Variants in PRKAG2 observed in about 807,000 individuals in gnomAD.
PRKAG2 encodes the protein 5'-AMP-activated protein kinase subunit gamma-2.
In PRKAG2, 26 loss-of-function variants were observed where a neutral mutation model predicts 69.6. That is an observed-to-expected ratio of 0.37 (90% CI 0.27 to 0.52). The LOEUF is 0.52. Among genes scored for constraint, PRKAG2 ranks in the 20% least tolerant of loss-of-function variants. The pLI is 0.90. For missense variants in PRKAG2, 557 were observed against 740.0 expected (o/e 0.75, Z 2.87); for synonymous variants, 293 against 285.0 (o/e 1.03, Z -0.28).
chr7:151,768,413 T>C (rs1268558238), intron 3 of PRKAG2, among the ~76,000 whole-genome samples: 1 of 152,220 alleles, frequency 6.6e-6, no homozygotes, highest in South Asian at 2.1e-4. Flanking sequence ...AGAAGCTTCA[T>C]CAATAAAGTT....
chr7:151,578,578 C>T (rs758521161), intron 6 of PRKAG2, among the ~76,000 whole-genome samples: 2 of 152,194 alleles, frequency 1.3e-5, no homozygotes, highest in Non-Finnish European at 1.5e-5. Context: ...TCAATTATTT[C>T]ACGCATTTAT....
At chr7:151,718,465 C>T (rs1308206493) in intron 3 of PRKAG2, among the ~76,000 whole-genome samples, 2 of 152,076 alleles carry the variant, frequency 1.3e-5, no homozygotes, top group Non-Finnish European at 2.9e-5. Context: ...CGGCACGAGT[C>T]CTCCAGCTGC....
chr7:151,796,776 G>A (rs1285975253), intron 1 of PRKAG2, among the ~76,000 whole-genome samples: 4 of 152,126 alleles, frequency 2.6e-5, no homozygotes, highest in Admixed American at 1.3e-4. Context: ...GACTGAGGAC[G>A]GCCCGGGGGC....
intron 3 of PRKAG2, among the ~76,000 whole-genome samples, chr7:151,745,918 G>A (rs949089068): frequency 1.3e-5 from 2 of 152,168 alleles, no homozygotes; most frequent in African/African-American, 4.8e-5. Flanking sequence ...CAAGAGCTCT[G>A]AGGGCTCCAG....
chr7:151,754,753 A>C (rs57892148), intron 3 of PRKAG2, among the ~76,000 whole-genome samples: 74,078 of 137,476 alleles, frequency 0.54, 19,613 homozygotes, highest in East Asian at 0.82. Context: ...CCAGGCCCTA[A>C]CTTCGAGTAC....
At position 151,836,858 on chromosome 7, in the gene PRKAG2, G is replaced by A. The variant is rs2079158145; in HGVS notation, c.114+39649C>T. On this transcript the variant is annotated intron_variant, in intron 1 of 15. Transcript: ENST00000287878. This position sits in a 1 kb window ranked among gnomAD's most constrained non-coding sequence, Gnocchi z 4.1. ...AAGCCACTGAGAATATTCAGTTCTT[G>A]GATCATCCACAACAGCGGAAGCAGA... Among the ~76,000 whole-genome samples the A allele has an allele frequency of 6.6e-6, 1 of 152,296 alleles. No homozygotes were observed. The highest frequency in any genetic ancestry group is 6.5e-5 in the Admixed American group (1 of 15,302).
At chr7:151,852,575 G>A (rs909385810) in intron 1 of PRKAG2, among the ~76,000 whole-genome samples, 2 of 152,022 alleles carry the variant, frequency 1.3e-5, no homozygotes, top group Non-Finnish European at 2.9e-5. Context: ...CCACAGACCT[G>A]TAGGGGGGCA....
At chr7:151,703,438 C>T (rs1045225337) in intron 3 of PRKAG2, among the ~76,000 whole-genome samples, 1 of 152,218 alleles carries the variant, frequency 6.6e-6, no homozygotes, top group Non-Finnish European at 1.5e-5. Flanking sequence ...CCGTCAAGCC[C>T]TCAGTTGTCT....
At chr7:151,855,207 C>G (rs1398943651) in intron 1 of PRKAG2, among the ~76,000 whole-genome samples, 2 of 107,640 alleles carry the variant, frequency 1.9e-5, no homozygotes, top group African/African-American at 3.5e-5. Context: ...CACACACCAC[C>G]CTCCACACAC....
intron 5 of PRKAG2, among the ~76,000 whole-genome samples, chr7:151,613,033 T>G (rs1819242561): frequency 6.6e-6 from 1 of 152,220 alleles, no homozygotes; most frequent in Non-Finnish European, 1.5e-5. Context: ...CCAGCCGATG[T>G]GTCCCACACT....
At chr7:151,562,557 G>A (rs949939443) in intron 14 of PRKAG2, among the ~76,000 whole-genome samples, 1 of 152,070 alleles carries the variant, frequency 6.6e-6, no homozygotes, top group Non-Finnish European at 1.5e-5. Context: ...AAGCTTTCAG[G>A]TTCATCAGTA....
At chr7:151,824,791 C>T (rs1425447421) in intron 1 of PRKAG2, among the ~76,000 whole-genome samples, 5 of 152,192 alleles carry the variant, frequency 3.3e-5, no homozygotes, top group African/African-American at 7.2e-5. Context: ...CTGCTGAGGA[C>T]GTGGGGCCAC....
Position 151,669,703 on chromosome 7 carries a change from G to A in PRKAG2, c.684+5717C>T, listed in dbSNP as rs73728235. Among the ~76,000 whole-genome samples the A allele has an allele frequency of 5.1e-3, 720 of 140,536 alleles. 3 individuals carry two copies. Among genetic ancestry groups the A allele is most frequent in the African/African-American group, 0.018 (688 of 38,494 alleles). The allele number at this position is 140,536 out of a possible 152,430, so 92.2% of individuals were successfully genotyped here. On this transcript the variant is annotated intron_variant, in intron 4 of 15. Transcript: ENST00000287878. ...GCACCTCGACTTAAATGTGCCACAGGCGCCTTATTGGACTACCACCACCTA... is the reference window on the plus strand; with the variant it reads ...GCACCTCGACTTAAATGTGCCACAGACGCCTTATTGGACTACCACCACCTA...
At chr7:151,827,766 A>AC (rs2078939905) in intron 1 of PRKAG2, among the ~76,000 whole-genome samples, 1 of 150,254 alleles carries the variant, frequency 6.7e-6, no homozygotes, top group African/African-American at 2.4e-5. Flanking sequence ...AAAAAAAAAA[A>AC]AAAAAAAACT....
At chr7:151,645,918 C>T (rs1274496149) in intron 4 of PRKAG2, among the ~76,000 whole-genome samples, 1 of 152,104 alleles carries the variant, frequency 6.6e-6, no homozygotes, top group Non-Finnish European at 1.5e-5. Flanking sequence ...TTCATATTTT[C>T]CATACTGAAA....
intron 15 of PRKAG2, chr7:151,558,779 T>A (rs933091958): frequency 1.5e-5 from 15 of 985,300 alleles, no homozygotes; most frequent in Non-Finnish European, 1.8e-5. Flanking sequence ...TAGATTCCTC[T>A]CTGCACCAGC....
At chr7:151,783,919 A>T (rs927783955) in intron 2 of PRKAG2, among the ~76,000 whole-genome samples, 6 of 147,460 alleles carry the variant, frequency 4.1e-5, no homozygotes, top group Admixed American at 6.7e-5. Flanking sequence ...TCTCAAAAAA[A>T]AAAAAAAAAA....
At chr7:151,591,117 G>A (rs1292439581) in intron 6 of PRKAG2, among the ~76,000 whole-genome samples, 1 of 152,218 alleles carries the variant, frequency 6.6e-6, no homozygotes, top group African/African-American at 2.4e-5. Flanking sequence ...GAATGTACAG[G>A]TGAGGGGCCC....
intron 4 of PRKAG2, among the ~76,000 whole-genome samples, chr7:151,669,566 T>C (rs1202270193): frequency 1.3e-5 from 2 of 152,240 alleles, no homozygotes; most frequent in East Asian, 1.9e-4. Context: ...TCACCTGCCA[T>C]ACATTTCTAT....
Sources: gnomAD v4.1 joint callset for allele counts (sites outside exome capture counted in the v4.1 genomes callset) on GRCh38, gnomAD v4.1.1 for gene constraint, Gnocchi (gnomAD v3.1) non-coding constraint, MANE v1.5 for transcripts, NCBI Gene and HGNC (gene_info 2026-07-23, HGNC 2026-07-21) for gene names.